Variants in FREM3 observed in about 807,000 individuals in gnomAD.
FREM3 encodes the protein FRAS1-related extracellular matrix protein 3.
In FREM3, 105 loss-of-function variants were observed where a neutral mutation model predicts 129.1. The ratio of observed to expected loss-of-function variants is 0.81; its 90% CI spans 0.69 to 0.96. FREM3 has a LOEUF of 0.96. Among genes scored for constraint, FREM3 ranks in the 40% least tolerant of loss-of-function variants. FREM3 has a pLI of 0.00. For missense variants in FREM3, 2,593 were observed against 2,666.3 expected (o/e 0.97, Z 0.61); for synonymous variants, 1,014 against 1,044.9 (o/e 0.97, Z 0.57).
intron 2 of FREM3, among the ~76,000 whole-genome samples, chr4:143,669,490 G>A (rs1254829412): frequency 1.3e-5 from 2 of 151,266 alleles, no homozygotes; most frequent in Admixed American, 6.6e-5. Context: ...GTCATCCTAT[G>A]TTGCCCAGGC....
At chr4:143,688,915 T>G (rs1297799425) in intron 2 of FREM3, among the ~76,000 whole-genome samples, 1 of 152,178 alleles carries the variant, frequency 6.6e-6, no homozygotes, top group Non-Finnish European at 1.5e-5. Context: ...CCTGAAACTA[T>G]AAAAATTCTA....
intron 5 of FREM3, 135 bp downstream of exon 5, chr4:143,620,902 G>A: frequency 1.2e-6 from 1 of 809,624 alleles, no homozygotes; most frequent in Non-Finnish European, 1.9e-6. Flanking sequence ...TTCGCAGCAG[G>A]GCATGGACAA....
At chr4:143,608,779 T>C (rs1294501343) in intron 6 of FREM3, among the ~76,000 whole-genome samples, 2 of 152,268 alleles carry the variant, frequency 1.3e-5, no homozygotes, top group East Asian at 1.9e-4. Context: ...TTGGAAAGAA[T>C]AGCATGAGTC....
At position 143,698,662 on chromosome 4, in the gene FREM3, G is replaced by C. The variant is rs1341150911; in HGVS notation, c.2014C>G (p.Leu672Val). Residue 672 changes from leucine (L) to valine (V), a missense_variant, in exon 1 of 8, where the codon CTG becomes GTG. Physicochemically the swap from Leu to Val is conservative, Grantham distance 32 (BLOSUM62 1). Transcript: ENST00000329798. ...TGGTCATCCTGCACATGGAAAGCCA[G>C]CTGGACCATTACAGATTGAGGGCTG... ...PHSPQSVMVQ[L>V]AFHVQDDHDP... 6.5e-7 allele frequency: 1 copy of C among 1,537,650 alleles called. No homozygotes were observed. Among genetic ancestry groups the C allele is most frequent in the East Asian group, 2.4e-5 (1 of 40,930 alleles).
chr4:143,698,859 G>A lies in FREM3; in HGVS notation c.1817C>T (p.Ser606Leu). The A allele has an allele frequency of 6.5e-7, 1 of 1,537,692 alleles. No individual in the cohort carries two copies. Reference sequence around the variant, plus strand: ...CAACAGGTCCCCCAGGTAGTGGCCTGAGTGGGAGGAACCAGGGGCCAACTC... The same window carrying A: ...CAACAGGTCCCCCAGGTAGTGGCCTAAGTGGGAGGAACCAGGGGCCAACTC... ...QWELAPGSSHSGHYLGDLLLQ... is the reference protein window; with the variant it reads ...QWELAPGSSHLGHYLGDLLLQ... The change falls in exon 1 of 8, where the codon TCA (serine) becomes TTA (leucine). Residue 606 changes from serine to leucine, a missense_variant. Around this residue, in one of 2 missense-constraint regions of FREM3, gnomAD observed 2,276 missense variants for 2,267.2 expected, o/e 1.00. Coordinates refer to ENST00000329798, the MANE Select transcript of FREM3 (RefSeq NM_001168235.2).
chr4:143,587,020 G>A (rs920050124), intron 6 of FREM3, among the ~76,000 whole-genome samples: 11 of 152,234 alleles, frequency 7.2e-5, no homozygotes, highest in Admixed American at 7.2e-4. Context: ...TGGAGGCTAG[G>A]AATCAGATTT....
chr4:143,603,571 G>A (rs560177519), intron 6 of FREM3, among the ~76,000 whole-genome samples: 7 of 152,198 alleles, frequency 4.6e-5, no homozygotes, highest in African/African-American at 1.4e-4. Flanking sequence ...GAGATGAGGA[G>A]TGCCAGATAA....
Position 143,699,989 on chromosome 4 carries a change from C to T in FREM3, c.687G>A (p.Ala229=), listed in dbSNP as rs1740663968. ...PLPKYGRLVD[A]VGAPLPRGKG... is the part of the protein sequence containing the mutation. ...TGCCCCTGGGGAGAGGGGCCCCCACCGCGTCCACCAAGCGCCCGTACTTGG... is the reference window on the plus strand; with the variant it reads ...TGCCCCTGGGGAGAGGGGCCCCCACTGCGTCCACCAAGCGCCCGTACTTGG... Residue 229 remains alanine (A), a synonymous_variant, in exon 1 of 8, where the codon GCG becomes GCA. Coordinates refer to ENST00000329798, the MANE Select transcript of FREM3 (RefSeq NM_001168235.2). This position sits in a 1 kb window ranked among gnomAD's most constrained non-coding sequence, Gnocchi z 4.2. The T allele has an allele frequency of 6.7e-7, 1 of 1,501,158 alleles. No homozygotes were observed. Among genetic ancestry groups the T allele is most frequent in the Non-Finnish European group, 8.9e-7 (1 of 1,126,934 alleles). 93.0% of individuals were successfully genotyped at this position (1,501,158 alleles called of 1,614,324 possible). A position where few individuals can be genotyped will look rare whatever the true frequency, so the allele number is the denominator to read the frequency against.
Position 143,699,137 on chromosome 4 carries a change from G to A in FREM3, c.1539C>T (p.Tyr513=), listed in dbSNP as rs1273034097. 12 of 1,537,302 alleles carry A rather than the reference G, an allele frequency of 7.8e-6. No homozygotes were observed. The highest frequency in any genetic ancestry group is 1.4e-5 in the African/African-American group (1 of 73,032). The stretch of plus-strand genomic sequence containing the variant: ...CCATCCGGAAGATGATATTGTCACT[G>A]TAGGTGTTGCTGCCATCATGCTGAT... The part of the protein sequence containing the change: ...VVYQHDGSNT[Y]SDNIIFRMED... Residue 513 remains tyrosine, a synonymous_variant, in exon 1 of 8, where the codon TAC becomes TAT. Coordinates refer to ENST00000329798, the MANE Select transcript of FREM3 (RefSeq NM_001168235.2). This position sits in a 1 kb window ranked among gnomAD's most constrained non-coding sequence, Gnocchi z 4.2.
At chr4:143,695,418 T>C in intron 1 of FREM3, 73 bp downstream of exon 1, 1 of 1,312,438 alleles carries the variant, frequency 7.6e-7, no homozygotes, top group African/African-American at 1.5e-5. Flanking sequence ...ATCAGGACAA[T>C]TTTACACAAA....
chr4:143,605,711 G>T (rs1278483865), intron 6 of FREM3, among the ~76,000 whole-genome samples: 1 of 152,078 alleles, frequency 6.6e-6, no homozygotes, highest in Admixed American at 6.6e-5. Flanking sequence ...ACTTTCATGT[G>T]CAGCCAATAA....
At chr4:143,616,553 G>A (rs947088937) in intron 5 of FREM3, among the ~76,000 whole-genome samples, 1 of 152,100 alleles carries the variant, frequency 6.6e-6, no homozygotes, top group Non-Finnish European at 1.5e-5. Flanking sequence ...TTGGGAGGCC[G>A]AGGCGGACGG....
rs184349705 is a variant in FREM3, at chr4:143,577,373, A to C, written c.*238T>G. 2.8e-5 allele frequency: 14 copies of C among 503,282 alleles called. No homozygotes were observed. The highest frequency in any genetic ancestry group is 2.3e-4 in the African/African-American group (12 of 51,790). 31.2% of individuals were successfully genotyped at this position (503,282 alleles called of 1,614,324 possible). On this transcript the variant is annotated 3_prime_UTR_variant, in exon 8 of 8. Coordinates refer to ENST00000329798, the MANE Select transcript of FREM3 (RefSeq NM_001168235.2). ...ACTTGCCTCAGAAACAAAGTAAAAC[A>C]AAATAGAAAAAGAACATGAACACAG...
At chr4:143,671,813 T>G (rs553287432) in intron 2 of FREM3, among the ~76,000 whole-genome samples, 2 of 152,320 alleles carry the variant, frequency 1.3e-5, no homozygotes, top group East Asian at 3.9e-4. Context: ...AATTGATACA[T>G]GAGAAATGCA....
At chr4:143,668,694 C>G (rs1739910088) in intron 2 of FREM3, among the ~76,000 whole-genome samples, 1 of 152,170 alleles carries the variant, frequency 6.6e-6, no homozygotes, top group Non-Finnish European at 1.5e-5. Context: ...TCTAATGAGG[C>G]CAGGGTTTGA....
intron 6 of FREM3, among the ~76,000 whole-genome samples, chr4:143,595,007 A>G (rs1274532887): frequency 1.3e-5 from 2 of 152,250 alleles, no homozygotes; most frequent in Non-Finnish European, 2.9e-5. Flanking sequence ...TTAAGAGAGA[A>G]TGTTCTTTAA....
At chr4:143,600,871 T>G (rs1738559352) in intron 6 of FREM3, among the ~76,000 whole-genome samples, 1 of 152,096 alleles carries the variant, frequency 6.6e-6, no homozygotes, top group Admixed American at 6.6e-5. Context: ...CCTGAGAACT[T>G]TTTATCAGTG....
intron 2 of FREM3, among the ~76,000 whole-genome samples, chr4:143,644,257 A>C (rs2149846950): frequency 6.6e-6 from 1 of 151,724 alleles, no homozygotes; most frequent in South Asian, 2.1e-4. Flanking sequence ...TGTTTCTTTT[A>C]TCTTGCCCTT....
chr4:143,626,713 C>A (rs1431465816), intron 3 of FREM3, among the ~76,000 whole-genome samples: 2 of 152,072 alleles, frequency 1.3e-5, no homozygotes, highest in Non-Finnish European at 2.9e-5. Flanking sequence ...ACCCCTTCTC[C>A]TAGGAGAACA....
Sources: gnomAD v4.1 joint callset for allele counts (sites outside exome capture counted in the v4.1 genomes callset) on GRCh38, gnomAD v4.1.1 for gene constraint, gnomAD v4.1.1 regional missense constraint, Gnocchi (gnomAD v3.1) non-coding constraint, MANE v1.5 for transcripts, NCBI Gene and HGNC (gene_info 2026-07-23, HGNC 2026-07-21) for gene names.